AKAP4: variants seen among roughly 807,000 people sequenced by gnomAD.
AKAP4 encodes the protein A-kinase anchor protein 4.
Under a neutral mutation model 42.6 loss-of-function variants are expected in AKAP4, and 4 were observed. The observed-to-expected ratio is 0.09, with a 90% CI of 0.05 to 0.22. The LOEUF (loss-of-function observed/expected upper bound fraction) is 0.22. Ranked by LOEUF, AKAP4 falls within the 10% of genes least tolerant of loss-of-function variation. The pLI is 1.00. For missense variants in AKAP4, 551 were observed against 630.7 expected, an observed-to-expected ratio of 0.87 and a Z score of 1.35; for synonymous variants, 223 against 233.0, an observed-to-expected ratio of 0.96 and a Z score of 0.39.
intron 5 of AKAP4, 85 bp downstream of exon 5, chrX:50,192,219 G>T (rs958617070): frequency 2.4e-6 from 2 of 840,703 alleles, no homozygotes; most frequent in Non-Finnish European, 1.6e-6. Flanking sequence ...CTTGAAACTC[G>T]AATGATCTTG....
intron 2 of AKAP4, among the ~76,000 whole-genome samples, chrX:50,198,238 A>T (rs1935215488): frequency 8.9e-6 from 1 of 111,767 alleles, no homozygotes. Context: ...TATGCGTGAC[A>T]TTTGAACATG....
chrX:50,200,754 A>G, intron 1 of AKAP4, 109 bp downstream of exon 1: 2 of 747,737 alleles, frequency 2.7e-6, no homozygotes, highest in African/African-American at 2.1e-5. Flanking sequence ...GGTATCCCAA[A>G]TAAAAGTATG....
In AKAP4 at chrX:50,192,289, T is replaced by C; in HGVS notation, c.2409+15A>G. ...CCATTCCAACTTTCTTCTTGTGCCT[T>C]AATGCATTACTTACCTTTTCCAGTT... On this transcript the variant is annotated intron_variant, in intron 5 of 5. Coordinates refer to ENST00000358526, the MANE Select transcript of AKAP4 (RefSeq NM_003886.3). 1.7e-6 allele frequency: 2 copies of C among 1,165,625 alleles called. No homozygotes were observed. The highest frequency in any genetic ancestry group is 2.3e-6 in the Non-Finnish European group (2 of 870,659).
At position 50,193,443 on chromosome X, in the gene AKAP4, C is replaced by G; in HGVS notation, c.1270G>C (p.Glu424Gln). Residue 424 changes from glutamate to glutamine, a missense_variant, in exon 5 of 6, where the codon GAG (glutamate) becomes CAG (glutamine). Glu to Gln is a conservative substitution (Grantham distance 29). Coordinates refer to ENST00000358526, the MANE Select transcript of AKAP4 (RefSeq NM_003886.3). ...CTGACCAAGCGCTTCAGCATGGCCT[C>G]CATGATGTCTGTAGCATTTTGTTTC... ...QWKQNATDIM[E>Q]AMLKRLVSAL... 2 of 1,211,912 alleles carry G rather than the reference C, an allele frequency of 1.7e-6. No individual in the cohort carries two copies. The highest frequency in any genetic ancestry group is 2.2e-6 in the Non-Finnish European group (2 of 895,585).
At position 50,192,691 on chromosome X, in the gene AKAP4, T is replaced by G; in HGVS notation, c.2022A>C (p.Glu674Asp). 8.3e-7 allele frequency: 1 copy of G among 1,212,046 alleles called. No individual in the cohort carries two copies. The highest frequency in any genetic ancestry group is 1.1e-6 in the Non-Finnish European group (1 of 895,629). The change falls in exon 5 of 6, where the codon GAA becomes GAC. Residue 674 changes from glutamate to aspartate, a missense_variant. By Grantham distance (45) the Glu-to-Asp change is conservative. Coordinates refer to ENST00000358526, the MANE Select transcript of AKAP4 (RefSeq NM_003886.3). ...GTTCTTGATGCTCCTGGCATTGTTC[T>G]TCCGCTTTGTCAGATCTGTTGGACA... ...ASMSNRSDKA[E>D]EQCQEHQELD... is the part of the protein sequence containing the mutation.
rs1557203876 is a variant in AKAP4 at position 50,192,956 on chromosome X, T to C, written c.1757A>G (p.Lys586Arg). Residue 586 changes from lysine (K) to arginine (R), a missense_variant, in exon 5 of 6, where the codon AAG (lysine) becomes AGG (arginine). By Grantham distance (26) the Lys-to-Arg change is conservative (BLOSUM62 2). Transcript: ENST00000358526. ...GYMAQSTQYE[K>R]CGGGQSAKAL... is the part of the protein sequence containing the mutation. ...TTTGGCACTTTGGCCACCTCCACAC[T>C]TTTCATATTGAGTACTCTGAGCCAT... 2.1e-5 allele frequency: 26 copies of C among 1,210,008 alleles called. No individual in the cohort carries two copies. The highest frequency in any genetic ancestry group is 2.8e-5 in the Non-Finnish European group (25 of 895,283).
intron 5 of AKAP4, among the ~76,000 whole-genome samples, chrX:50,191,639 TGTGTGTGTGTGTGTGTGTGTGAGA>T (rs1557203586): frequency 1.7e-5 from 1 of 57,953 alleles, no homozygotes; most frequent in African/African-American, 9.0e-5. Flanking sequence ...TGTGTGTGTG[TGTGTGTGTGTGTGTGTGTGTGAGA>T]GAGAGAAAGA....
rs1557203752 is a variant in AKAP4 at position 50,192,499 on chromosome X, G to T, written c.2214C>A (p.Gly738=). The change falls in exon 5 of 6, where the codon GGC becomes GGA. Residue 738 remains glycine, a synonymous_variant. Transcript: ENST00000358526. ...TTGCACCACTGTGAATGCATCTGGT[G>T]CCCCTGAAATTGGGCTTATTTGCCG... The part of the protein sequence containing the change: ...AASANKPNFR[G]TRCIHSGAMP... 8.3e-7 allele frequency: 1 copy of T among 1,211,284 alleles called. No individual in the cohort carries two copies. Among genetic ancestry groups the T allele is most frequent in the Admixed American group, 2.2e-5 (1 of 45,974 alleles).
chrX:50,194,551 C>T (rs1935165783), intron 4 of AKAP4, 115 bp from the exon 5 acceptor site: 4 of 569,858 alleles, frequency 7.0e-6, no homozygotes, highest in South Asian at 3.2e-5. Context: ...TGTATGGGAA[C>T]GTAACATCCA....
Position 50,193,140 on chromosome X carries a change from T to C in AKAP4, c.1573A>G (p.Asn525Asp), listed in dbSNP as rs781869716. 2.5e-6 allele frequency: 3 copies of C among 1,211,962 alleles called. No homozygotes were observed. In the Admixed American group the frequency reaches 6.5e-5, roughly 26 times the overall value. The change falls in exon 5 of 6, where the codon AAT (asparagine) becomes GAT (aspartate). Residue 525 changes from asparagine (N) to aspartate (D), a missense_variant. By Grantham distance (23) the Asn-to-Asp change is conservative. Transcript: ENST00000358526. ...ATCTTTTCTCCTTTCTCATCTTTAT[T>C]GCTGCATGCTTTGGTAGCCACCTTG... ...SCKVATKACS[N>D]KDEKGEKINA...
chrX:50,198,692 T>G lies in AKAP4; in HGVS notation c.88A>C (p.Asn30His). 8.3e-7 allele frequency: 1 copy of G among 1,210,569 alleles called. No individual in the cohort carries two copies. Among genetic ancestry groups the G allele is most frequent in the Non-Finnish European group, 1.1e-6 (1 of 894,583 alleles). The change falls in exon 2 of 6, where the codon AAC becomes CAC. Residue 30 changes from asparagine (N) to histidine (H), a missense_variant. By Grantham distance (68) the Asn-to-His change is moderately conservative. Transcript: ENST00000358526. ...TCCTGATCTTGCTGTCCTTCTGGGT[T>G]GTAGAGATCTACCTTGCACACACCC... ...HRGVCKVDLY[N>H]PEGQQDQDRK...
At chrX:50,191,238 C>T (rs1384696835) in intron 5 of AKAP4, 123 bp from the exon 6 acceptor site, 3 of 735,379 alleles carry the variant, frequency 4.1e-6, no homozygotes, top group Non-Finnish European at 5.9e-6. Context: ...CACCACCTTC[C>T]CGCCCATGAT....
chrX:50,196,183 C>T lies in AKAP4; in HGVS notation c.276+708G>A, dbSNP rs181453156. On this transcript the variant is annotated intron_variant, in intron 4 of 5. Transcript: ENST00000358526. The stretch of plus-strand genomic sequence containing the variant: ...TGTTTTTCCTTCCTTGGGGGCCACT[C>T]CTTTCTGGAGTCTGGGGTCAGAAAT... 6.3e-5 allele frequency among the ~76,000 whole-genome samples: 7 copies of T among 111,719 alleles called. No homozygotes were observed. The Admixed American group carries it at 6.7e-4, about 11-fold the overall frequency.
At chrX:50,200,778 G>A (rs1370650446) in intron 1 of AKAP4, 85 bp downstream of exon 1, 1 of 905,263 alleles carries the variant, frequency 1.1e-6, no homozygotes, top group Non-Finnish European at 1.6e-6. Context: ...ATAGAAACTT[G>A]GAGGCTGCCT....
Position 50,192,844 on chromosome X carries a change from T to A in AKAP4, c.1869A>T (p.Lys623Asn), listed in dbSNP as rs1569541738. Reference protein sequence around the residue: ...QKENQHLDSQKMDMSNIVLML... With the variant: ...QKENQHLDSQNMDMSNIVLML... ...TTAGAACGATGTTTGACATATCCAT[T>A]TTCTGGGAGTCCAGGTGTTGGTTCT... The change falls in exon 5 of 6, where the codon AAA becomes AAT. Residue 623 changes from lysine to asparagine, a missense_variant. Coordinates refer to ENST00000358526, the MANE Select transcript of AKAP4 (RefSeq NM_003886.3). 8.3e-7 allele frequency: 1 copy of A among 1,211,796 alleles called. No homozygotes were observed.
Position 50,197,532 on chromosome X carries a change from G to A in AKAP4, c.174+12C>T. On this transcript the variant is annotated intron_variant, in intron 3 of 5. Transcript: ENST00000358526. Reference sequence around the variant, plus strand: ...TTCCCACCGATTCTGACTCTGAGCAGAGAATACGCACCTTGTAATCTTTAT... The same window carrying A: ...TTCCCACCGATTCTGACTCTGAGCAAAGAATACGCACCTTGTAATCTTTAT... The A allele has an allele frequency of 8.4e-7, 1 of 1,194,788 alleles. No individual in the cohort carries two copies. The highest frequency in any genetic ancestry group is 1.1e-6 in the Non-Finnish European group (1 of 883,518).
In AKAP4 at chrX:50,192,802, C is replaced by T. The variant is rs1160146932; in HGVS notation, c.1911G>A (p.Leu637=). The change falls in exon 5 of 6, where the codon CTG becomes CTA. Residue 637 remains leucine, a synonymous_variant. Coordinates refer to ENST00000358526, the MANE Select transcript of AKAP4 (RefSeq NM_003886.3). The stretch of plus-strand genomic sequence containing the variant: ...CACATTTGAAGGGGTTCTCATTAAG[C>T]AGTTTCTGAATCAGCATTAGAACGA... ...SNIVLMLIQK[L]LNENPFKCED... is the part of the protein sequence containing the mutation. 3.6e-5 allele frequency: 44 copies of T among 1,210,030 alleles called. No homozygotes were observed. Among genetic ancestry groups the T allele is most frequent in the Non-Finnish European group, 4.7e-5 (42 of 895,289 alleles).
chrX:50,197,517 T>C, intron 3 of AKAP4, 27 bp downstream of exon 3: 1 of 1,179,105 alleles, frequency 8.5e-7, no homozygotes, highest in Non-Finnish European at 1.1e-6. Context: ...TTCCCACCGA[T>C]TCTGACTCTG....
chrX:50,196,843 T>C (rs376665487), intron 4 of AKAP4, 48 bp downstream of exon 4: 16 of 957,148 alleles, frequency 1.7e-5, no homozygotes, highest in Non-Finnish European at 2.1e-5. Flanking sequence ...AGACTCATCA[T>C]TGAGCTCTGA....
Sources: allele counts gnomAD v4.1 joint callset (sites outside exome capture counted in the v4.1 genomes callset), GRCh38; gene constraint gnomAD v4.1.1; transcripts MANE v1.5; gene names NCBI Gene and HGNC (gene_info 2026-07-23, HGNC 2026-07-21).